Variants in SGPP2 observed in about 807,000 individuals in gnomAD.
SGPP2 encodes the protein sphingosine 1-phosphate phosphohydrolase 2.
A neutral mutation model predicts 33.9 loss-of-function variants in SGPP2; 30 were observed. The observed-to-expected ratio is 0.89, with a 90% CI of 0.66 to 1.20. SGPP2 has a LOEUF of 1.20. Among genes scored for constraint, SGPP2 ranks in the 50% most tolerant of loss-of-function variants. The pLI is 0.00. For synonymous variants in SGPP2, 233 were observed against 225.0 expected, an observed-to-expected ratio of 1.04 and a Z score of -0.32; for missense variants, 458 against 532.1, an observed-to-expected ratio of 0.86 and a Z score of 1.37.
At chr2:222,471,179 G>T (rs1458819479) in intron 1 of SGPP2, among the ~76,000 whole-genome samples, 2 of 152,152 alleles carry the variant, frequency 1.3e-5, no homozygotes, top group African/African-American at 2.4e-5. Context: ...ACCAGTAACT[G>T]TCTCCCGGTA....
intron 1 of SGPP2, among the ~76,000 whole-genome samples, chr2:222,457,117 T>C (rs1285156531): frequency 6.6e-6 from 1 of 152,082 alleles, no homozygotes; most frequent in Non-Finnish European, 1.5e-5. Flanking sequence ...AGTAGAAAAG[T>C]AGCCCAGGAG....
chr2:222,529,043 T>G (rs1424821544), intron 4 of SGPP2, among the ~76,000 whole-genome samples: 1 of 152,240 alleles, frequency 6.6e-6, no homozygotes, highest in African/African-American at 2.4e-5. Flanking sequence ...CCAAATCATG[T>G]GATGATATTT....
chr2:222,441,262 A>G (rs1456312190), intron 1 of SGPP2, among the ~76,000 whole-genome samples: 1 of 152,212 alleles, frequency 6.6e-6, no homozygotes, highest in Non-Finnish European at 1.5e-5. Flanking sequence ...TAGAACCATT[A>G]CATTTGTTTA....
At chr2:222,499,125 C>G (rs1698327813) in intron 2 of SGPP2, among the ~76,000 whole-genome samples, 2 of 152,212 alleles carry the variant, frequency 1.3e-5, no homozygotes, top group Non-Finnish European at 1.5e-5. Flanking sequence ...GTAAAGACTT[C>G]CATTGTCAGC....
At chr2:222,536,712 T>TA (rs1698921408) in intron 4 of SGPP2, among the ~76,000 whole-genome samples, 3 of 152,128 alleles carry the variant, frequency 2.0e-5, no homozygotes, top group East Asian at 3.9e-4. Flanking sequence ...TAAAATAGAA[T>TA]AAAAAATTGT....
intron 4 of SGPP2, among the ~76,000 whole-genome samples, chr2:222,531,030 C>T (rs1698831821): frequency 6.6e-6 from 1 of 152,030 alleles, no homozygotes; most frequent in South Asian, 2.1e-4. Flanking sequence ...TGAGATCCAG[C>T]CTCCAAAATA....
chr2:222,540,342 A>T (rs1485815481), intron 4 of SGPP2, among the ~76,000 whole-genome samples: 2 of 152,136 alleles, frequency 1.3e-5, no homozygotes, highest in East Asian at 3.8e-4. Context: ...TTTTCATGTG[A>T]TGTCATGTCA....
intron 2 of SGPP2, among the ~76,000 whole-genome samples, chr2:222,490,387 G>A (rs762546088): frequency 5.9e-5 from 9 of 152,120 alleles, no homozygotes; most frequent in Non-Finnish European, 1.0e-4. Flanking sequence ...ACATTTACCA[G>A]CCTTTGCAAT....
chr2:222,473,331 G>A (rs893296887), intron 1 of SGPP2, among the ~76,000 whole-genome samples: 1 of 152,174 alleles, frequency 6.6e-6, no homozygotes, highest in Non-Finnish European at 1.5e-5. Context: ...CCTAGAGGCT[G>A]CTCTCCAGAT....
intron 4 of SGPP2, among the ~76,000 whole-genome samples, chr2:222,557,906 G>A (rs1689442669): frequency 6.6e-6 from 1 of 152,182 alleles, no homozygotes; most frequent in African/African-American, 2.4e-5. Context: ...TGCTTGCTGT[G>A]TATATTTGGC....
chr2:222,489,119 T>C (rs886828851), intron 2 of SGPP2, among the ~76,000 whole-genome samples: 4 of 152,218 alleles, frequency 2.6e-5, no homozygotes, highest in African/African-American at 7.2e-5. Flanking sequence ...TAGGCCTTAA[T>C]TGAGGATCTA....
intron 2 of SGPP2, among the ~76,000 whole-genome samples, chr2:222,488,011 T>C (rs1205594208): frequency 6.6e-6 from 1 of 152,146 alleles, no homozygotes; most frequent in Non-Finnish European, 1.5e-5. Context: ...ACTCCTGGAT[T>C]CCCTAGCTCA....
At chr2:222,464,538 A>G (rs181137413) in intron 1 of SGPP2, among the ~76,000 whole-genome samples, 5 of 152,322 alleles carry the variant, frequency 3.3e-5, no homozygotes, top group Middle Eastern at 3.4e-3. Context: ...GCTGGAGTGC[A>G]GTGGCATGAT....
intron 1 of SGPP2, among the ~76,000 whole-genome samples, chr2:222,450,776 AC>A (rs1697474111): frequency 6.6e-6 from 1 of 152,050 alleles, no homozygotes; most frequent in Admixed American, 6.6e-5. Flanking sequence ...TTGGTACCAA[AC>A]CTTTGCCATG....
At chr2:222,479,974 G>A (rs1172532774) in intron 2 of SGPP2, among the ~76,000 whole-genome samples, 2 of 151,982 alleles carry the variant, frequency 1.3e-5, no homozygotes, top group African/African-American at 4.8e-5. Flanking sequence ...CTATCTTTGG[G>A]CTCAAAAGAA....
intron 4 of SGPP2, among the ~76,000 whole-genome samples, chr2:222,556,019 A>C (rs1367417407): frequency 6.6e-6 from 1 of 152,202 alleles, no homozygotes; most frequent in Non-Finnish European, 1.5e-5. Flanking sequence ...AATTTCCCAG[A>C]ACCTCATGGA....
chr2:222,507,977 A>C (rs1698470634), intron 2 of SGPP2, among the ~76,000 whole-genome samples: 1 of 152,128 alleles, frequency 6.6e-6, no homozygotes, highest in Non-Finnish European at 1.5e-5. Context: ...CATGATTTTC[A>C]TGTTTGAGTG....
chr2:222,474,457 TG>T, intron 1 of SGPP2, 110 bp from the exon 2 acceptor site: 1 of 872,602 alleles, frequency 1.1e-6, no homozygotes, highest in South Asian at 1.8e-5. Context: ...AATAACATAA[TG>T]GGAGAGGAGA....
At chr2:222,553,128 G>A (rs765262212) in intron 4 of SGPP2, among the ~76,000 whole-genome samples, 4 of 152,164 alleles carry the variant, frequency 2.6e-5, no homozygotes, top group Non-Finnish European at 4.4e-5. Flanking sequence ...ATGCAAGAAA[G>A]GGCTTTTGGA....
Sources: allele counts gnomAD v4.1 joint callset (sites outside exome capture counted in the v4.1 genomes callset), GRCh38; gene constraint gnomAD v4.1.1; transcripts MANE v1.5; gene names NCBI Gene and HGNC (gene_info 2026-07-23, HGNC 2026-07-21).